GABRG2: variants seen among roughly 807,000 people sequenced by gnomAD.
GABRG2 encodes the protein gamma-aminobutyric acid receptor subunit gamma-2.
In GABRG2, 16 loss-of-function variants were observed where a neutral mutation model predicts 56.4. The ratio of observed to expected loss-of-function variants is 0.28; its 90% CI spans 0.19 to 0.43. The LOEUF (loss-of-function observed/expected upper bound fraction) is 0.43. Among genes scored for constraint, GABRG2 ranks in the 20% least tolerant of loss-of-function variants. The probability of loss-of-function intolerance (pLI) is 1.00; values close to 1 mark genes in which losing one functional copy is unlikely to be tolerated. For missense variants in GABRG2, 327 were observed against 582.7 expected (o/e 0.56, Z 4.52); for synonymous variants, 208 against 205.5 (o/e 1.01, Z -0.10).
chr5:162,081,384 A>G (rs1759652669), intron 1 of GABRG2, among the ~76,000 whole-genome samples: 1 of 152,076 alleles, frequency 6.6e-6, no homozygotes, highest in Non-Finnish European at 1.5e-5. Context: ...ATACTTACAT[A>G]CATTTTAACA....
rs1758330093 is a variant in GABRG2, at chr5:162,067,815, A to G, written c.-185A>G. The stretch of plus-strand genomic sequence containing the variant: ...ATGGTATCTGCAAGCGTTTTTGCTG[A>G]TCTTATCTCTGCCCCCTGAATATTA... On this transcript the variant is annotated 5_prime_UTR_variant, in exon 1 of 10. Coordinates refer to ENST00000639213, the MANE Select transcript of GABRG2 (RefSeq NM_198904.4). 1.6e-6 allele frequency: 1 copy of G among 625,790 alleles called. No homozygotes were observed. The highest frequency in any genetic ancestry group is 2.8e-6 in the Non-Finnish European group (1 of 354,418). 38.8% of individuals were successfully genotyped at this position (625,790 alleles called of 1,614,324 possible).
At chr5:162,111,693 T>C (rs1202550583) in intron 6 of GABRG2, among the ~76,000 whole-genome samples, 1 of 152,152 alleles carries the variant, frequency 6.6e-6, no homozygotes. Context: ...ATTTGATAGA[T>C]GAGGAAACTA....
intron 7 of GABRG2, among the ~76,000 whole-genome samples, chr5:162,148,530 A>G (rs560986261): frequency 1.3e-5 from 2 of 152,352 alleles, no homozygotes; most frequent in South Asian, 2.1e-4. Context: ...CAATTGGAAT[A>G]AAATGTAAAC....
chr5:162,083,051 A>G (rs888059684), intron 1 of GABRG2, among the ~76,000 whole-genome samples: 8 of 151,726 alleles, frequency 5.3e-5, no homozygotes, highest in African/African-American at 1.9e-4. Flanking sequence ...TGAACAAGAA[A>G]AATTTCCAGA....
At chr5:162,136,074 T>TC (rs1296186475) in intron 6 of GABRG2, among the ~76,000 whole-genome samples, 1 of 152,136 alleles carries the variant, frequency 6.6e-6, no homozygotes, top group Non-Finnish European at 1.5e-5. Context: ...ATGAGAATTT[T>TC]CCCCTTGGAA....
chr5:162,096,511 T>C (rs1258695274), intron 3 of GABRG2, among the ~76,000 whole-genome samples: 1 of 152,186 alleles, frequency 6.6e-6, no homozygotes, highest in Non-Finnish European at 1.5e-5. Context: ...TTATTTCTAC[T>C]GGCACATCAC....
At position 162,154,266 on chromosome 5, in the gene GABRG2, G is replaced by A. The variant is rs1415874011; in HGVS notation, c.*898G>A. 1.3e-5 allele frequency: 2 copies of A among 152,076 alleles called. No homozygotes were observed. The highest frequency in any genetic ancestry group is 4.8e-5 in the African/African-American group (2 of 41,418). The allele number at this position is 152,076 out of a possible 1,614,324, so 9.4% of individuals were successfully genotyped here. Reference sequence around the variant, plus strand: ...GCCGCTATTTTTTTCTTCCTTTTAGGATGATAGATCATAACAGAACTTATT... The same window carrying A: ...GCCGCTATTTTTTTCTTCCTTTTAGAATGATAGATCATAACAGAACTTATT... On this transcript the variant is annotated 3_prime_UTR_variant, in exon 10 of 10. Transcript: ENST00000639213.
intron 6 of GABRG2, among the ~76,000 whole-genome samples, chr5:162,118,733 C>T (rs1762791611): frequency 6.6e-6 from 1 of 152,216 alleles, no homozygotes; most frequent in African/African-American, 2.4e-5. Context: ...TCCTGGGTTC[C>T]TGTGATCAGA....
chr5:162,068,219 C>T (rs759330997), intron 1 of GABRG2, 113 bp downstream of exon 1: 12 of 755,728 alleles, frequency 1.6e-5, no homozygotes, highest in Non-Finnish European at 2.8e-5. Context: ...GGATGTGCGG[C>T]TTTACAATTT....
At chr5:162,147,535 T>C (rs1033082977) in intron 7 of GABRG2, among the ~76,000 whole-genome samples, 1 of 152,024 alleles carries the variant, frequency 6.6e-6, no homozygotes, top group East Asian at 1.9e-4. Context: ...CAGCTAACTT[T>C]TTGTATTTTT....
At position 162,153,500 on chromosome 5, in the gene GABRG2, A is replaced by T; in HGVS notation, c.*132A>T. 1 of 1,106,780 alleles carries T rather than the reference A, an allele frequency of 9.0e-7. No homozygotes were observed. The allele number at this position is 1,106,780 out of a possible 1,614,324, so 68.6% of individuals were successfully genotyped here. A position where few individuals can be genotyped will look rare whatever the true frequency, so the allele number is the denominator to read the frequency against. ...ATCTGTTTCTATGTCCAAACCTGGT[A>T]AATTTTATAATGTCATATTGTTTGT... is the stretch of plus-strand genomic sequence containing the variant. On this transcript the variant is annotated 3_prime_UTR_variant, in exon 10 of 10. Coordinates refer to ENST00000639213, the MANE Select transcript of GABRG2 (RefSeq NM_198904.4).
intron 6 of GABRG2, among the ~76,000 whole-genome samples, chr5:162,134,930 T>A (rs1260722680): frequency 6.6e-6 from 1 of 152,168 alleles, no homozygotes; most frequent in Non-Finnish European, 1.5e-5. Context: ...GATGGAGTCT[T>A]TAAAGGATAA....
chr5:162,136,662 T>A (rs958208250), intron 6 of GABRG2, among the ~76,000 whole-genome samples: 8 of 152,098 alleles, frequency 5.3e-5, no homozygotes, highest in African/African-American at 1.9e-4. Flanking sequence ...AATAGAATAA[T>A]AAGAGAGAAA....
chr5:162,104,642 TAAATG>T (rs999415874), intron 6 of GABRG2, among the ~76,000 whole-genome samples: 29 of 152,106 alleles, frequency 1.9e-4, no homozygotes, highest in Admixed American at 1.8e-3. Context: ...ATGCAAAATA[TAAATG>T]AAATGAAATG....
At chr5:162,084,238 T>G (rs534668881) in intron 1 of GABRG2, among the ~76,000 whole-genome samples, 100 of 151,666 alleles carry the variant, frequency 6.6e-4, no homozygotes, top group Non-Finnish European at 1.2e-3. Flanking sequence ...CTTTTAATAC[T>G]GTACCTATGT....
intron 6 of GABRG2, among the ~76,000 whole-genome samples, chr5:162,124,627 T>C (rs571145039): frequency 1.2e-3 from 185 of 151,898 alleles, no homozygotes; most frequent in Non-Finnish European, 2.2e-3. Context: ...GGTAGTGTTA[T>C]TCTAATGAAG....
chr5:162,070,319 A>G (rs910697719), intron 1 of GABRG2, among the ~76,000 whole-genome samples: 1 of 152,022 alleles, frequency 6.6e-6, no homozygotes, highest in Non-Finnish European at 1.5e-5. Flanking sequence ...ATGTGATCAG[A>G]GTTTCAGTCT....
intron 6 of GABRG2, among the ~76,000 whole-genome samples, chr5:162,138,222 A>C (rs563134193): frequency 6.6e-6 from 1 of 152,316 alleles, no homozygotes; most frequent in South Asian, 2.1e-4. Flanking sequence ...ATATTCACTC[A>C]TAAATTTGGA....
intron 6 of GABRG2, among the ~76,000 whole-genome samples, chr5:162,121,807 A>T (rs1049798676): frequency 1.3e-5 from 2 of 151,992 alleles, no homozygotes; most frequent in Non-Finnish European, 2.9e-5. Context: ...AAATAGGGAG[A>T]AATTGGGTTT....
Sources: allele counts gnomAD v4.1 joint callset (sites outside exome capture counted in the v4.1 genomes callset), GRCh38; gene constraint gnomAD v4.1.1; transcripts MANE v1.5; gene names NCBI Gene and HGNC (gene_info 2026-07-23, HGNC 2026-07-21).